Variants in CDC42BPB observed in about 807,000 individuals in gnomAD.
CDC42BPB encodes the protein CDC42 binding protein kinase beta, also known as serine/threonine-protein kinase MRCK beta.
Under a neutral mutation model 214.9 loss-of-function variants are expected in CDC42BPB, and 37 were observed. That is an observed-to-expected ratio of 0.17 (90% CI 0.13 to 0.23). CDC42BPB has a LOEUF of 0.23. Among genes scored for constraint, CDC42BPB ranks in the 10% least tolerant of loss-of-function variants. The pLI, the probability that CDC42BPB is intolerant of heterozygous loss-of-function variation, is 1.00. For synonymous variants in CDC42BPB, 931 were observed against 884.0 expected, an observed-to-expected ratio of 1.05 and a Z score of -0.94; for missense variants, 1,694 against 2,227.0, an observed-to-expected ratio of 0.76 and a Z score of 4.82.
chr14:102,978,554 G>GC lies in CDC42BPB; in HGVS notation c.1141-350_1141-349insG, dbSNP rs1310909515. On this transcript the variant is annotated intron_variant, in intron 8 of 36. Transcript: ENST00000361246. ...GTGCAGAGTCCAACAGTGTGAACAG[G>GC]TATGGTCCCTCTGAGGACCCCGGAC... Among the ~76,000 whole-genome samples, 9 of 152,340 alleles carry GC rather than the reference G, an allele frequency of 5.9e-5. No individual in the cohort carries two copies. The South Asian group carries it at 1.7e-3, about 28-fold the overall frequency.
rs144106531 is a variant in CDC42BPB at position 103,051,781 on chromosome 14, G to C, written c.175+5218C>G. Among the ~76,000 whole-genome samples, 593 of 152,278 alleles carry C rather than the reference G, an allele frequency of 3.9e-3. 3 individuals carry two copies. Among genetic ancestry groups the C allele is most frequent in the African/African-American group, 0.012 (500 of 41,560 alleles). ...TCTTCAAATCCAATTTTATTTCTTT[G>C]AAGTCTAGATTTAAGAGAGACACTG... On this transcript the variant is annotated intron_variant, in intron 1 of 36. Transcript: ENST00000361246.
intron 5 of CDC42BPB, among the ~76,000 whole-genome samples, chr14:102,989,859 CA>C (rs534939001): frequency 5.1e-4 from 50 of 98,098 alleles, no homozygotes; most frequent in Non-Finnish European, 5.4e-4. Flanking sequence ...AACTCTGTTT[CA>C]AAAAAAAAAA....
In CDC42BPB at chr14:102,968,297, T is replaced by C. The variant is rs1480077851; in HGVS notation, c.2302A>G (p.Met768Val). 1 of 1,614,116 alleles carries C rather than the reference T, an allele frequency of 6.2e-7. No homozygotes were observed. Among genetic ancestry groups the C allele is most frequent in the Non-Finnish European group, 8.5e-7 (1 of 1,179,984 alleles). Residue 768 changes from methionine (M) to valine (V), a missense_variant, in exon 16 of 37, where the codon ATG becomes GTG. By Grantham distance (21) the Met-to-Val change is conservative. This residue lies in a region of CDC42BPB where 462 missense variants were observed against 513.5 expected (regional missense o/e 0.90). Coordinates refer to ENST00000361246, the MANE Select transcript of CDC42BPB (RefSeq NM_006035.4). ...IKDKYERERA[M>V]LFDENKKLTA... is the part of the protein sequence containing the mutation. ...AGCTTCTTGTTTTCATCAAACAGCA[T>C]CGCTCTTTCTCGTTCGTATTTATCT...
At chr14:102,952,950 G>T (rs1353834249) in intron 23 of CDC42BPB, among the ~76,000 whole-genome samples, 1 of 152,256 alleles carries the variant, frequency 6.6e-6, no homozygotes, top group Admixed American at 6.5e-5. Flanking sequence ...GGCTCTTGGG[G>T]GCCGACCTGG....
chr14:103,003,276 C>A (rs372286451), intron 4 of CDC42BPB, among the ~76,000 whole-genome samples: 39 of 152,212 alleles, frequency 2.6e-4, no homozygotes, highest in Non-Finnish European at 5.9e-5. Flanking sequence ...CTGAACAAGG[C>A]GGTCTGCGGG....
At chr14:103,000,444 C>G (rs950016559) in intron 4 of CDC42BPB, among the ~76,000 whole-genome samples, 1 of 152,232 alleles carries the variant, frequency 6.6e-6, no homozygotes, top group African/African-American at 2.4e-5. Context: ...TCTGTGGAGG[C>G]CCCAGTGGGG....
chr14:102,933,789 C>G lies in CDC42BPB; in HGVS notation c.5059G>C (p.Gly1687Arg). Residue 1687 changes from glycine (G) to arginine (R), a missense_variant, in exon 37 of 37, where the codon GGC (glycine) becomes CGC (arginine). This residue lies in a region of CDC42BPB where 146 missense variants were observed against 134.1 expected (regional missense o/e 1.09). Transcript: ENST00000361246. ...STPSNSSNPS[G>R]PPSPNSPHRS... The stretch of plus-strand genomic sequence containing the variant: ...TGGGGGGAGTTGGGGCTCGGTGGGC[C>G]GCTGGGGTTGGAGCTATTCGATGGA... 1.3e-6 allele frequency: 2 copies of G among 1,501,780 alleles called. No individual in the cohort carries two copies. The highest frequency in any genetic ancestry group is 1.8e-6 in the Non-Finnish European group (2 of 1,138,206). The allele number at this position is 1,501,780 out of a possible 1,614,324, so 93.0% of individuals were successfully genotyped here.
chr14:102,964,920 T>G (rs962911760), intron 18 of CDC42BPB: 5 of 381,912 alleles, frequency 1.3e-5, no homozygotes, highest in Non-Finnish European at 1.8e-5. Flanking sequence ...TTCTTTTCTT[T>G]TCTTTTCTTT....
intron 9 of CDC42BPB, among the ~76,000 whole-genome samples, chr14:102,977,376 T>A (rs1402791727): frequency 6.2e-5 from 9 of 146,090 alleles, no homozygotes; most frequent in Non-Finnish European, 1.4e-4. Flanking sequence ...CATGGGGATA[T>A]CTCCCTCCCA....
intron 29 of CDC42BPB, chr14:102,945,028 C>G (rs979357507): frequency 9.8e-6 from 3 of 306,362 alleles, no homozygotes; most frequent in African/African-American, 2.2e-5. Context: ...CACACGGCCC[C>G]CAGGCTAACC....
intron 1 of CDC42BPB, among the ~76,000 whole-genome samples, chr14:103,046,303 C>T (rs1277060595): frequency 6.6e-6 from 1 of 152,138 alleles, no homozygotes; most frequent in Non-Finnish European, 1.5e-5. Context: ...TAACTTCTGG[C>T]AGTGGCCCTC....
At chr14:103,040,855 T>C (rs948978301) in intron 1 of CDC42BPB, among the ~76,000 whole-genome samples, 3 of 152,216 alleles carry the variant, frequency 2.0e-5, no homozygotes, top group Admixed American at 1.3e-4. Context: ...ACTCCCCAAA[T>C]TGACCTACAG....
chr14:102,946,131 C>A (rs1051639656), intron 28 of CDC42BPB, among the ~76,000 whole-genome samples: 1 of 152,286 alleles, frequency 6.6e-6, no homozygotes, highest in South Asian at 2.1e-4. Context: ...GCCTCAGTCT[C>A]CCAAGTAGCT....
chr14:102,954,785 T>G, intron 21 of CDC42BPB, 97 bp from the exon 22 acceptor site: 1 of 1,500,900 alleles, frequency 6.7e-7, no homozygotes, highest in Non-Finnish European at 9.0e-7. Flanking sequence ...GCAGATTCTG[T>G]CTAGCCCAGA....
At chr14:102,950,974 A>G (rs1014443852) in intron 24 of CDC42BPB, among the ~76,000 whole-genome samples, 1 of 152,226 alleles carries the variant, frequency 6.6e-6, no homozygotes, top group Non-Finnish European at 1.5e-5. Context: ...TCAAAAAAAC[A>G]AAATAAAACA....
At chr14:103,029,858 CAAAAAAAAAAAAA>C (rs11299296) in intron 1 of CDC42BPB, among the ~76,000 whole-genome samples, 18 of 62,358 alleles carry the variant, frequency 2.9e-4, no homozygotes, top group African/African-American at 6.1e-4. Context: ...ACTCCATCTC[CAAAAAAAAAAAAA>C]AAAAAAAAAA....
intron 1 of CDC42BPB, among the ~76,000 whole-genome samples, chr14:103,035,498 GA>G (rs1046317217): frequency 3.3e-5 from 5 of 151,768 alleles, no homozygotes; most frequent in Admixed American, 1.3e-4. Flanking sequence ...AGGAATTGGA[GA>G]CCAGCCTGGG....
intron 5 of CDC42BPB, among the ~76,000 whole-genome samples, chr14:102,993,539 GA>G (rs1215879429): frequency 6.7e-6 from 1 of 149,348 alleles, no homozygotes; most frequent in Non-Finnish European, 1.5e-5. Context: ...AGGATGGAAG[GA>G]TGGAGGGAAA....
At chr14:103,002,055 T>C (rs1895011799) in intron 4 of CDC42BPB, among the ~76,000 whole-genome samples, 1 of 152,180 alleles carries the variant, frequency 6.6e-6, no homozygotes, top group Non-Finnish European at 1.5e-5. Context: ...TTAATTTTGA[T>C]AAAACTCTGT....
Sources: allele counts gnomAD v4.1 joint callset (sites outside exome capture counted in the v4.1 genomes callset), GRCh38; gene constraint gnomAD v4.1.1; regional missense constraint gnomAD v4.1.1; transcripts MANE v1.5; gene names NCBI Gene and HGNC (gene_info 2026-07-23, HGNC 2026-07-21).